The following SLC25A48 variants were observed in gnomAD, a reference collection of about 807,000 sequenced individuals.
The protein encoded by SLC25A48 is CTC-321K16.1.
A neutral mutation model predicts 32.2 loss-of-function variants in SLC25A48; 29 were observed. That is an observed-to-expected ratio of 0.90 (90% CI 0.67 to 1.23). SLC25A48 has a LOEUF of 1.23. Ranked by LOEUF, SLC25A48 falls within the 50% of genes most tolerant of loss-of-function variation. The probability of loss-of-function intolerance (pLI) is 0.00; values close to 1 mark genes in which losing one functional copy is unlikely to be tolerated. For missense variants in SLC25A48, 399 were observed against 422.7 expected (o/e 0.94, Z 0.49); for synonymous variants, 164 against 172.3 (o/e 0.95, Z 0.38).
At chr5:135,702,204 G>T (rs577244347) in intron 3 of SLC25A48, among the ~76,000 whole-genome samples, 2 of 152,174 alleles carry the variant, frequency 1.3e-5, no homozygotes, top group Non-Finnish European at 2.9e-5. Flanking sequence ...ATATGTCCAC[G>T]TCCTAATGCC....
intron 3 of SLC25A48, among the ~76,000 whole-genome samples, chr5:135,802,496 A>G (rs1757355904): frequency 6.6e-6 from 1 of 151,506 alleles, no homozygotes; most frequent in Non-Finnish European, 1.5e-5. Flanking sequence ...ACACTTTTTG[A>G]CATTATTTCT....
At chr5:135,692,510 C>A (rs1754171262) in intron 3 of SLC25A48, among the ~76,000 whole-genome samples, 2 of 152,106 alleles carry the variant, frequency 1.3e-5, no homozygotes, top group African/African-American at 4.8e-5. Flanking sequence ...GAAAAATAGA[C>A]AATCAAGATG....
intron 3 of SLC25A48, among the ~76,000 whole-genome samples, chr5:135,805,587 G>T (rs115411340): frequency 6.6e-6 from 1 of 151,214 alleles, no homozygotes; most frequent in African/African-American, 2.4e-5. Context: ...TTTTAATATC[G>T]CAGTATGTGT....
At chr5:135,874,690 C>T (rs1429921031) in intron 6 of SLC25A48, 1 of 702,534 alleles carries the variant, frequency 1.4e-6, no homozygotes. Flanking sequence ...TTTCCCTGGG[C>T]TGTGTCTCCT....
At chr5:135,665,473 G>A (rs1034543434) in intron 3 of SLC25A48, among the ~76,000 whole-genome samples, 2 of 151,448 alleles carry the variant, frequency 1.3e-5, no homozygotes, top group African/African-American at 4.8e-5. Context: ...TTTATTTTTT[G>A]CATTTGCTTT....
At chr5:135,646,681 A>ATAT (rs1420073417) in intron 3 of SLC25A48, among the ~76,000 whole-genome samples, 5 of 144,458 alleles carry the variant, frequency 3.5e-5, no homozygotes, top group East Asian at 2.1e-4. Flanking sequence ...ATATATATAC[A>ATAT]ATGGGAAGGA....
At chr5:135,613,187 T>C (rs1289047809) in intron 1 of SLC25A48, among the ~76,000 whole-genome samples, 1 of 152,202 alleles carries the variant, frequency 6.6e-6, no homozygotes, top group Admixed American at 6.5e-5. Flanking sequence ...TGCTGATCAT[T>C]TTTTCATATA....
At chr5:135,658,969 G>A (rs867892559) in intron 3 of SLC25A48, among the ~76,000 whole-genome samples, 29 of 152,318 alleles carry the variant, frequency 1.9e-4, no homozygotes, top group Admixed American at 1.0e-3. Flanking sequence ...CTCTAGACCC[G>A]TGATGGGAGG....
At chr5:135,615,246 G>A (rs1368197444) in intron 1 of SLC25A48, among the ~76,000 whole-genome samples, 1 of 152,198 alleles carries the variant, frequency 6.6e-6, no homozygotes, top group Non-Finnish European at 1.5e-5. Context: ...ATAGGAAGAT[G>A]AGGGAAAGTT....
intron 3 of SLC25A48, among the ~76,000 whole-genome samples, chr5:135,790,261 A>T (rs2126632071): frequency 6.6e-6 from 1 of 151,670 alleles, no homozygotes; most frequent in Non-Finnish European, 1.5e-5. Context: ...GTGGGGTTTT[A>T]CGTACTATCA....
intron 4 of SLC25A48, among the ~76,000 whole-genome samples, chr5:135,864,802 C>A (rs1238766010): frequency 6.6e-6 from 1 of 152,218 alleles, no homozygotes; most frequent in African/African-American, 2.4e-5. Flanking sequence ...ATTGGTGACA[C>A]ATGGTTTATT....
chr5:135,588,429 C>T (rs1257128675), intron 1 of SLC25A48, among the ~76,000 whole-genome samples: 1 of 152,172 alleles, frequency 6.6e-6, no homozygotes, highest in Non-Finnish European at 1.5e-5. Context: ...CAAGTTGAGC[C>T]CTTGCTGAGT....
chr5:135,795,703 G>A (rs1054231392), intron 3 of SLC25A48, among the ~76,000 whole-genome samples: 4 of 150,724 alleles, frequency 2.7e-5, no homozygotes, highest in South Asian at 2.1e-4. Flanking sequence ...CCCATAACGC[G>A]GGAAGTCTAC....
intron 3 of SLC25A48, among the ~76,000 whole-genome samples, chr5:135,774,630 A>G (rs1354781749): frequency 6.6e-6 from 1 of 151,706 alleles, no homozygotes; most frequent in Admixed American, 6.6e-5. Context: ...GGGAAAGATG[A>G]TGGCATTGTG....
chr5:135,586,348 C>A lies in SLC25A48; in HGVS notation c.-849+6751C>A, dbSNP rs114417050. ...AACCAGCTAGGATTGTCAACTTTAACAAACAAAAAATACAAAATGCCCATG... is the reference window on the plus strand; with the variant it reads ...AACCAGCTAGGATTGTCAACTTTAAAAAACAAAAAATACAAAATGCCCATG... On this transcript the variant is annotated intron_variant, in intron 1 of 10. Transcript: ENST00000646290. Among the ~76,000 whole-genome samples the A allele has an allele frequency of 3.2e-3, 492 of 152,320 alleles. 5 individuals are homozygous for A. Among genetic ancestry groups the A allele is most frequent in the African/African-American group, 0.011 (468 of 41,576 alleles).
intron 1 of SLC25A48, among the ~76,000 whole-genome samples, chr5:135,597,857 A>C (rs183242567): frequency 6.6e-6 from 1 of 152,160 alleles, no homozygotes; most frequent in South Asian, 2.1e-4. Context: ...TACAAAAATT[A>C]GCCGGGCATG....
chr5:135,659,935 A>T (rs934142685), intron 3 of SLC25A48, among the ~76,000 whole-genome samples: 9 of 152,220 alleles, frequency 5.9e-5, no homozygotes, highest in African/African-American at 2.2e-4. Context: ...TGTCCCACCC[A>T]CCTTCGGGAA....
rs1232979341 is a variant in SLC25A48 at position 135,888,171 on chromosome 5, C to A, written c.*147C>A. On this transcript the variant is annotated 3_prime_UTR_variant, in exon 8 of 8. Transcript: ENST00000681962. ...TGGGCTAGGATGGTGCAGACACTGA[C>A]GTGGCCCTTCTGATGCCTGGGATGC... 7.4e-7 allele frequency: 1 copy of A among 1,347,482 alleles called. No homozygotes were observed. Among genetic ancestry groups the A allele is most frequent in the African/African-American group, 1.5e-5 (1 of 67,968 alleles). 83.5% of individuals were successfully genotyped at this position (1,347,482 alleles called of 1,614,324 possible).
chr5:135,623,278 C>T (rs183360121), intron 1 of SLC25A48, among the ~76,000 whole-genome samples: 3 of 152,174 alleles, frequency 2.0e-5, no homozygotes, highest in Non-Finnish European at 4.4e-5. Context: ...GCTTTGTCTC[C>T]TCTTAACTCC....
Sources: gnomAD v4.1 joint callset for allele counts (sites outside exome capture counted in the v4.1 genomes callset) on GRCh38, gnomAD v4.1.1 for gene constraint, MANE v1.5 for transcripts, NCBI Gene and HGNC (gene_info 2026-07-23, HGNC 2026-07-21) for gene names.